Variants in FAM241A observed in about 807,000 individuals in gnomAD.
FAM241A encodes family with sequence similarity 241 member A, also known as uncharacterized protein FAM241A.
FAM241A carries 7 observed loss-of-function variants against 12.2 expected under a neutral mutation model. That is an observed-to-expected ratio of 0.58 (90% confidence interval 0.33 to 1.08). FAM241A has a LOEUF of 1.08. Ranked by LOEUF, FAM241A falls within the 50% of genes least tolerant of loss-of-function variation. The probability of loss-of-function intolerance (pLI) is 0.04; values close to 1 mark genes in which losing one functional copy is unlikely to be tolerated. For missense variants in FAM241A, 161 were observed against 169.7 expected (o/e 0.95, Z 0.29); for synonymous variants, 74 against 68.2 (o/e 1.08, Z -0.42).
intron 1 of FAM241A, among the ~76,000 whole-genome samples, chr4:112,162,925 A>G (rs939057053): frequency 2.4e-4 from 36 of 152,258 alleles, no homozygotes; most frequent in African/African-American, 8.4e-4. Context: ...ACAAGGCTAC[A>G]GTAACCAAAA....
chr4:112,166,587 A>G (rs891826222), intron 1 of FAM241A, among the ~76,000 whole-genome samples: 6 of 152,148 alleles, frequency 3.9e-5, no homozygotes, highest in African/African-American at 7.2e-5. Flanking sequence ...GTTTATTGGA[A>G]TGAGCTCAGA....
intron 1 of FAM241A, among the ~76,000 whole-genome samples, chr4:112,181,310 C>A (rs890462644): frequency 4.0e-5 from 6 of 150,748 alleles, no homozygotes; most frequent in African/African-American, 1.5e-4. Flanking sequence ...AAAATAGTGC[C>A]CATCTTTGGT....
intron 1 of FAM241A, among the ~76,000 whole-genome samples, chr4:112,179,722 T>C (rs1001274248): frequency 7.8e-6 from 1 of 129,020 alleles, no homozygotes; most frequent in Non-Finnish European, 1.7e-5. Context: ...TATATATATA[T>C]ATTAAAAAAA....
In FAM241A at chr4:112,151,612, T is replaced by G. The variant is rs536353553; in HGVS notation, c.153+5879T>G. Among the ~76,000 whole-genome samples, 3 of 152,328 alleles carry G rather than the reference T, an allele frequency of 2.0e-5. No individual in the cohort carries two copies. The South Asian group carries it at 6.2e-4, about 32-fold the overall frequency. ...GATGCTGTGCCCATGGACCACATTTTGGCAAGGGAATGGAGAATAAGCAAG... is the reference window on the plus strand; with the variant it reads ...GATGCTGTGCCCATGGACCACATTTGGGCAAGGGAATGGAGAATAAGCAAG... On this transcript the variant is annotated intron_variant, in intron 1 of 1. Transcript: ENST00000309733.
At chr4:112,184,253 G>A (rs1723998014) in intron 1 of FAM241A, among the ~76,000 whole-genome samples, 1 of 152,174 alleles carries the variant, frequency 6.6e-6, no homozygotes, top group Non-Finnish European at 1.5e-5. Flanking sequence ...AAATAGGCCG[G>A]GCACAGTGGC....
chr4:112,167,600 T>C (rs1345903560), intron 1 of FAM241A, among the ~76,000 whole-genome samples: 2 of 152,220 alleles, frequency 1.3e-5, no homozygotes, highest in African/African-American at 4.8e-5. Flanking sequence ...AGTAATGTTC[T>C]GAAAGATAAG....
chr4:112,166,664 C>CA (rs1397332217), intron 1 of FAM241A, among the ~76,000 whole-genome samples: 1 of 152,166 alleles, frequency 6.6e-6, no homozygotes, highest in Non-Finnish European at 1.5e-5. Context: ...CCTCTGGTGT[C>CA]AGTTAGACCT....
In FAM241A at chr4:112,187,917, T is replaced by G. The variant is rs1724079407; in HGVS notation, c.*979T>G. The G allele has an allele frequency of 8.5e-5, 13 of 152,272 alleles. 1 individual carries two copies. In the South Asian group the frequency reaches 2.7e-3, roughly 32 times the overall value. 9.4% of individuals were successfully genotyped at this position (152,272 alleles called of 1,614,324 possible). Reference sequence around the variant, plus strand: ...AGGAAAAAAATCAGATCATTTTTCTTTGATATCTATATCAGAAAGGTACAA... The same window carrying G: ...AGGAAAAAAATCAGATCATTTTTCTGTGATATCTATATCAGAAAGGTACAA... On this transcript the variant is annotated 3_prime_UTR_variant, in exon 2 of 2. Transcript: ENST00000309733.
intron 1 of FAM241A, among the ~76,000 whole-genome samples, chr4:112,154,601 G>GT (rs1263420361): frequency 6.6e-6 from 1 of 152,088 alleles, no homozygotes; most frequent in Non-Finnish European, 1.5e-5. Context: ...TACCCATCTT[G>GT]TAGTAGCATC....
chr4:112,154,355 C>T (rs993401393), intron 1 of FAM241A, among the ~76,000 whole-genome samples: 1 of 152,308 alleles, frequency 6.6e-6, no homozygotes, highest in South Asian at 2.1e-4. Context: ...GCAACCTCCA[C>T]TTCCCAGGTT....
chr4:112,187,178 T>C lies in FAM241A; in HGVS notation c.*240T>C. 1 of 475,068 alleles carries C rather than the reference T, an allele frequency of 2.1e-6. No individual in the cohort carries two copies. The highest frequency in any genetic ancestry group is 3.7e-6 in the Non-Finnish European group (1 of 267,932). 29.4% of individuals were successfully genotyped at this position (475,068 alleles called of 1,614,324 possible). ...AAACTCTTGTTTCACTACTGTGATC[T>C]CTGTCTCCTTTATACACCTCTATCC... On this transcript the variant is annotated 3_prime_UTR_variant, in exon 2 of 2. Transcript: ENST00000309733.
At chr4:112,161,492 C>T (rs1246159799) in intron 1 of FAM241A, among the ~76,000 whole-genome samples, 2 of 152,120 alleles carry the variant, frequency 1.3e-5, no homozygotes, top group Non-Finnish European at 2.9e-5. Context: ...CCACCAATCC[C>T]ACGGAAATAC....
intron 1 of FAM241A, among the ~76,000 whole-genome samples, chr4:112,158,067 A>G (rs1462373072): frequency 6.6e-6 from 1 of 152,118 alleles, no homozygotes; most frequent in African/African-American, 2.4e-5. Context: ...TTACGTAAAG[A>G]AAAAAATAGA....
In FAM241A at chr4:112,188,903, A is replaced by C. The variant is rs1004320107; in HGVS notation, c.*1965A>C. The C allele has an allele frequency of 6.6e-6, 1 of 152,100 alleles. No individual in the cohort carries two copies. Among genetic ancestry groups the C allele is most frequent in the African/African-American group, 2.4e-5 (1 of 41,430 alleles). The allele number at this position is 152,100 out of a possible 1,614,324, so 9.4% of individuals were successfully genotyped here. ...ATTAAATTATATAAAGAAATAAGAT[A>C]TTTTGCTGTTATTCTTTCTACATAT... On this transcript the variant is annotated 3_prime_UTR_variant, in exon 2 of 2. Transcript: ENST00000309733.
intron 1 of FAM241A, among the ~76,000 whole-genome samples, chr4:112,158,883 T>C (rs1445286238): frequency 6.6e-6 from 1 of 152,128 alleles, no homozygotes; most frequent in Non-Finnish European, 1.5e-5. Context: ...ATATACAATA[T>C]ATTGCTGTTA....
intron 1 of FAM241A, among the ~76,000 whole-genome samples, chr4:112,155,304 G>A (rs902637906): frequency 5.9e-5 from 9 of 151,936 alleles, no homozygotes; most frequent in Non-Finnish European, 8.8e-5. Flanking sequence ...ATTGAAGCCC[G>A]GTAGTTAAAA....
rs1245146977 is a variant in FAM241A, at chr4:112,194,687, C to T, written c.*7749C>T. 6.6e-6 allele frequency: 1 copy of T among 152,142 alleles called. No homozygotes were observed. Among genetic ancestry groups the T allele is most frequent in the East Asian group, 1.9e-4 (1 of 5,192 alleles). 9.4% of individuals were successfully genotyped at this position (152,142 alleles called of 1,614,324 possible). ...CGTATATTGAACCAGCCTTGCATCC[C>T]AGGGATGAAGCCCACTTGAACATGG... On this transcript the variant is annotated 3_prime_UTR_variant, in exon 2 of 2. Coordinates refer to ENST00000309733, the MANE Select transcript of FAM241A (RefSeq NM_152400.3).
chr4:112,163,205 C>G (rs917821259), intron 1 of FAM241A, among the ~76,000 whole-genome samples: 1 of 151,990 alleles, frequency 6.6e-6, no homozygotes, highest in African/African-American at 2.4e-5. Flanking sequence ...CCATAAAAAC[C>G]CTAGAAGAAA....
chr4:112,158,160 A>G (rs1723390900), intron 1 of FAM241A, among the ~76,000 whole-genome samples: 1 of 152,078 alleles, frequency 6.6e-6, no homozygotes, highest in Admixed American at 6.5e-5. Context: ...AAAAAGGTAT[A>G]ATGATTCTGC....
Sources: allele counts gnomAD v4.1 joint callset (sites outside exome capture counted in the v4.1 genomes callset), GRCh38; gene constraint gnomAD v4.1.1; transcripts MANE v1.5; gene names NCBI Gene and HGNC (gene_info 2026-07-23, HGNC 2026-07-21).